Variants in PSMD5 observed in about 807,000 individuals in gnomAD.
PSMD5 encodes the protein proteasome 26S subunit, non-ATPase 5.
In PSMD5, 40 loss-of-function variants were observed where a neutral mutation model predicts 52.1. The ratio of observed to expected loss-of-function variants is 0.77; its 90% confidence interval spans 0.60 to 1.00. The LOEUF (loss-of-function observed/expected upper bound fraction) is 1.00, where lower values mean the gene tolerates loss of function less well. PSMD5 is among the 50% of genes least tolerant of loss of function. The probability of loss-of-function intolerance (pLI) is 0.00; values close to 1 mark genes in which losing one functional copy is unlikely to be tolerated. For synonymous variants in PSMD5, 211 were observed against 226.6 expected (o/e 0.93, Z 0.62); for missense variants, 575 against 605.2 (o/e 0.95, Z 0.52).
chr9:120,822,436 C>T (rs558015301), intron 7 of PSMD5, among the ~76,000 whole-genome samples: 53 of 152,276 alleles, frequency 3.5e-4, no homozygotes, highest in African/African-American at 1.2e-3. Context: ...ATGTTCTTTG[C>T]AGGACTGTAA....
At position 120,842,902 on chromosome 9, in the gene PSMD5, G is replaced by C. The variant is rs771933149; in HGVS notation, c.8C>G (p.Ala3Gly). The change falls in exon 1 of 10, where the codon GCC (alanine) becomes GGC (glycine). Residue 3 changes from alanine to glycine, a missense_variant. Ala to Gly is a moderately conservative substitution (Grantham distance 60). Transcript: ENST00000210313. ...CTCTCTCAGCAGCGCCAAAGCCTGG[G>C]CTGCCATCTTGCCCCCCGACGCAGG... Reference protein sequence around the residue: MAAQALALLREVA... With the variant: MAGQALALLREVA... 22 of 1,586,158 alleles carry C rather than the reference G, an allele frequency of 1.4e-5. No homozygotes were observed. Among genetic ancestry groups the C allele is most frequent in the Non-Finnish European group, 1.9e-5 (22 of 1,171,916 alleles).
At chr9:120,839,382 GAAGGAATTTGCTAGAA>G (rs985554232) in intron 1 of PSMD5, among the ~76,000 whole-genome samples, 43 of 152,326 alleles carry the variant, frequency 2.8e-4, no homozygotes, top group East Asian at 9.6e-4. Context: ...TACAAGGTGG[GAAGGAATTTGCTAGAA>G]AAGGAATTTG....
rs149128985 is a variant in PSMD5 at position 120,829,909 on chromosome 9, A to C, written c.562-701T>G. Among the ~76,000 whole-genome samples the C allele has an allele frequency of 5.5e-3, 844 of 152,306 alleles. 11 individuals are homozygous for C. Among genetic ancestry groups the C allele is most frequent in the African/African-American group, 0.019 (796 of 41,584 alleles). Reference sequence around the variant, plus strand: ...GTCTTACTGAGAGATATAGGAAGACACTGAAGGGTTTTAAGCAGAGAAATG... The same window carrying C: ...GTCTTACTGAGAGATATAGGAAGACCCTGAAGGGTTTTAAGCAGAGAAATG... On this transcript the variant is annotated intron_variant, in intron 4 of 9. Coordinates refer to ENST00000210313, the MANE Select transcript of PSMD5 (RefSeq NM_005047.4).
chr9:120,828,333 G>A (rs1436506309), intron 5 of PSMD5, among the ~76,000 whole-genome samples: 2 of 150,954 alleles, frequency 1.3e-5, no homozygotes, highest in African/African-American at 2.4e-5. Context: ...TCTGAGAGAT[G>A]AGGAAACTGA....
In PSMD5 at chr9:120,831,912, T is replaced by C. The variant is rs760315454; in HGVS notation, c.352A>G (p.Thr118Ala). The change falls in exon 3 of 10, where the codon ACT (threonine) becomes GCT (alanine). Residue 118 changes from threonine (T) to alanine (A), a missense_variant. Transcript: ENST00000210313. ...AATTCAGCATTATTTAGAATCTCAG[T>C]AACAGCATCAGAATTTTCAACAATT... ...GRIVENSDAV[T>A]EILNNAELLK... is the part of the protein sequence containing the mutation. 6.2e-7 allele frequency: 1 copy of C among 1,613,020 alleles called. No individual in the cohort carries two copies. Among genetic ancestry groups the C allele is most frequent in the East Asian group, 2.2e-5 (1 of 44,828 alleles).
At chr9:120,835,478 A>T (rs569741915) in intron 1 of PSMD5, among the ~76,000 whole-genome samples, 7 of 152,256 alleles carry the variant, frequency 4.6e-5, no homozygotes, top group Admixed American at 2.6e-4. Context: ...TAATCCCAGC[A>T]CTTTGGGAGG....
Position 120,831,891 on chromosome 9 carries a change from C to A in PSMD5, c.373G>T (p.Glu125Ter). 1 of 1,613,200 alleles carries A rather than the reference C, an allele frequency of 6.2e-7. No homozygotes were observed. The highest frequency in any genetic ancestry group is 8.5e-7 in the Non-Finnish European group (1 of 1,179,830). Residue 125 changes from glutamate to a stop codon, truncating the protein, a stop_gained, in exon 3 of 10, where the codon GAA (glutamate) becomes TAA (stop). Transcript: ENST00000210313. LOFTEE classifies it high-confidence loss of function. ...DAVTEILNNA[E>*]LLKQIVYCIG... ...CAATAAACAATTTGTTTTAGTAATT[C>A]AGCATTATTTAGAATCTCAGTAACA... is the stretch of plus-strand genomic sequence containing the variant.
rs1033016001 is a variant in PSMD5 at position 120,817,328 on chromosome 9, T to C, written c.*578A>G. ...CTGTGTTGCCCAGGCTGGTGTGCAG[T>C]GGCAAGATCTCAGCTCACTGCAACC... On this transcript the variant is annotated 3_prime_UTR_variant, in exon 10 of 10. Coordinates refer to ENST00000210313, the MANE Select transcript of PSMD5 (RefSeq NM_005047.4). 5 of 152,304 alleles carry C rather than the reference T, an allele frequency of 3.3e-5. No homozygotes were observed. The highest frequency in any genetic ancestry group is 5.9e-5 in the Non-Finnish European group (4 of 68,118). The allele number at this position is 152,304 out of a possible 1,614,324, so 9.4% of individuals were successfully genotyped here.
intron 5 of PSMD5, among the ~76,000 whole-genome samples, chr9:120,828,247 G>A (rs1294743530): frequency 4.0e-5 from 6 of 151,724 alleles, no homozygotes; most frequent in Admixed American, 6.6e-5. Flanking sequence ...TAATCCATCC[G>A]CCTCAGCCTC....
intron 3 of PSMD5, 174 bp from the exon 4 acceptor site, chr9:120,831,633 T>G (rs963517685): frequency 6.5e-6 from 7 of 1,076,792 alleles, no homozygotes; most frequent in African/African-American, 1.6e-5. Context: ...ACTGTAGATA[T>G]GTATATCCTA....
At position 120,824,621 on chromosome 9, in the gene PSMD5, A is replaced by G. The variant is rs760120806; in HGVS notation, c.879T>C (p.Tyr293=). The change falls in exon 7 of 10, where the codon TAT becomes TAC. Residue 293 remains tyrosine (Y), a synonymous_variant. Transcript: ENST00000210313. ...CAAAGACTTTTTCCACAAAGATAGG[A>G]TAACGCTCACAGATCTGTTGAGGAC... ...MDSPQQICER[Y]PIFVEKVFEM... The G allele has an allele frequency of 1.8e-5, 29 of 1,614,068 alleles. No individual in the cohort carries two copies. In the Admixed American group the frequency reaches 3.5e-4, roughly 19 times the overall value.
chr9:120,836,340 T>C (rs1390971747), intron 1 of PSMD5, among the ~76,000 whole-genome samples: 1 of 152,146 alleles, frequency 6.6e-6, no homozygotes, highest in Non-Finnish European at 1.5e-5. Flanking sequence ...GTAATTTTAA[T>C]TTGTATTTCC....
chr9:120,833,944 G>A (rs537736806), intron 1 of PSMD5, among the ~76,000 whole-genome samples: 14 of 149,656 alleles, frequency 9.4e-5, no homozygotes, highest in Non-Finnish European at 1.6e-4. Flanking sequence ...CCAAAATGCT[G>A]GGATTACAGG....
At chr9:120,837,001 T>A (rs1486674329) in intron 1 of PSMD5, among the ~76,000 whole-genome samples, 2 of 151,680 alleles carry the variant, frequency 1.3e-5, no homozygotes, top group Non-Finnish European at 2.9e-5. Context: ...GCGATTCTCC[T>A]GCCTCAGCCT....
intron 6 of PSMD5, chr9:120,825,095 A>G (rs2045113547): frequency 1.3e-5 from 2 of 155,630 alleles, no homozygotes; most frequent in Admixed American, 1.3e-4. Flanking sequence ...AGACTAATCA[A>G]CCAAAACCCA....
At chr9:120,837,285 G>A (rs1411942482) in intron 1 of PSMD5, among the ~76,000 whole-genome samples, 1 of 152,078 alleles carries the variant, frequency 6.6e-6, no homozygotes, top group East Asian at 1.9e-4. Flanking sequence ...GCCTTCCAAA[G>A]TGCTGGGATT....
intron 2 of PSMD5, among the ~76,000 whole-genome samples, chr9:120,832,587 G>C (rs2045169420): frequency 6.6e-6 from 1 of 152,042 alleles, no homozygotes; most frequent in Admixed American, 6.6e-5. Flanking sequence ...GTAGAGACAG[G>C]GTTTCACCAT....
chr9:120,833,208 G>A (rs2045173072), intron 2 of PSMD5, 104 bp downstream of exon 2: 1 of 1,322,284 alleles, frequency 7.6e-7, no homozygotes, highest in Non-Finnish European at 1.1e-6. Context: ...AGAAGGAAGA[G>A]GGAAGGAGAG....
chr9:120,821,500 G>A (rs773539448), intron 7 of PSMD5, 36 bp from the exon 8 acceptor site: 12 of 1,399,876 alleles, frequency 8.6e-6, no homozygotes, highest in South Asian at 1.3e-5. Flanking sequence ...TCTTTATTAT[G>A]GTAAAATATA....
Sources: gnomAD v4.1 joint callset for allele counts (sites outside exome capture counted in the v4.1 genomes callset) on GRCh38, gnomAD v4.1.1 for gene constraint, MANE v1.5 for transcripts, NCBI Gene and HGNC (gene_info 2026-07-23, HGNC 2026-07-21) for gene names.